SMPDL3B: variants seen among roughly 807,000 people sequenced by gnomAD.
SMPDL3B encodes sphingomyelin phosphodiesterase acid like 3B, also known as acid sphingomyelinase-like phosphodiesterase 3b.
In SMPDL3B, 31 loss-of-function variants were observed where a neutral mutation model predicts 37.9. The ratio of observed to expected loss-of-function variants is 0.82; its 90% CI spans 0.61 to 1.10. The LOEUF is 1.10. Ranked by LOEUF, SMPDL3B falls within the 50% of genes least tolerant of loss-of-function variation. The pLI is 0.00. For missense variants in SMPDL3B, 525 were observed against 597.8 expected, an observed-to-expected ratio of 0.88 and a Z score of 1.27; for synonymous variants, 235 against 242.6, an observed-to-expected ratio of 0.97 and a Z score of 0.29.
intron 1 of SMPDL3B, among the ~76,000 whole-genome samples, chr1:27,939,337 T>A (rs2090335975): frequency 6.6e-6 from 1 of 152,138 alleles, no homozygotes; most frequent in Non-Finnish European, 1.5e-5. Context: ...TCATGTATGA[T>A]TTTAATTTTT....
chr1:27,956,362 A>AATGGGC, intron 7 of SMPDL3B: 1 of 1,330,896 alleles, frequency 7.5e-7, no homozygotes, highest in Non-Finnish European at 1.0e-6. Context: ...CATCCGCTAC[A>AATGGGC]CAAGAGAGAA....
At chr1:27,946,946 G>C (rs1344999692) in intron 2 of SMPDL3B, among the ~76,000 whole-genome samples, 1 of 152,160 alleles carries the variant, frequency 6.6e-6, no homozygotes, top group East Asian at 1.9e-4. Flanking sequence ...TCCCTTGAGG[G>C]GAGCTTCTGA....
intron 1 of SMPDL3B, chr1:27,938,729 T>C (rs185297702): frequency 6.6e-6 from 1 of 152,370 alleles, no homozygotes; most frequent in East Asian, 1.9e-4. Flanking sequence ...TGTGTTTCAC[T>C]TTCAATTCAG....
chr1:27,956,538 C>T (rs1215968947), intron 7 of SMPDL3B: 6 of 1,053,334 alleles, frequency 5.7e-6, no homozygotes, highest in Middle Eastern at 4.5e-4. Flanking sequence ...CGTACACAGA[C>T]GAGGCTCCAG....
At chr1:27,955,890 A>G (rs1638244893) in intron 6 of SMPDL3B, 26 bp downstream of exon 6, 1 of 1,611,340 alleles carries the variant, frequency 6.2e-7, no homozygotes, top group Non-Finnish European at 8.5e-7. Flanking sequence ...GGCAACTGCC[A>G]GCTCCCTCCC....
intron 5 of SMPDL3B, 91 bp downstream of exon 5, chr1:27,954,617 T>C (rs907032641): frequency 1.6e-6 from 2 of 1,252,676 alleles, no homozygotes; most frequent in African/African-American, 2.9e-5. Context: ...CACCCAAAGA[T>C]GCCCATATCC....
chr1:27,938,699 G>A (rs542430558), intron 1 of SMPDL3B, among the ~76,000 whole-genome samples: 5 of 152,274 alleles, frequency 3.3e-5, no homozygotes, highest in South Asian at 4.1e-4. Context: ...ACCACACTTC[G>A]AGAAGCCATA....
At position 27,949,078 on chromosome 1, in the gene SMPDL3B, C is replaced by T. The variant is rs764171655; in HGVS notation, c.289C>T (p.His97Tyr). The change falls in exon 3 of 8, where the codon CAT becomes TAT. Residue 97 changes from histidine to tyrosine, a missense_variant. His to Tyr is a moderately conservative substitution (Grantham distance 83). Coordinates refer to ENST00000373894, the MANE Select transcript of SMPDL3B (RefSeq NM_014474.4). ...FILWTGDDTP[H>Y]VPDEKLGEAA... ...GGTGTTTTGTAGTGATGACACGCCTCATGTGCCCGATGAGAAACTGGGAGA... is the reference window on the plus strand; with the variant it reads ...GGTGTTTTGTAGTGATGACACGCCTTATGTGCCCGATGAGAAACTGGGAGA... 2 of 1,614,094 alleles carry T rather than the reference C, an allele frequency of 1.2e-6. No individual in the cohort carries two copies. The highest frequency in any genetic ancestry group is 1.7e-6 in the Non-Finnish European group (2 of 1,180,044).
At chr1:27,953,753 G>A (rs142212023) in intron 4 of SMPDL3B, among the ~76,000 whole-genome samples, 1 of 152,344 alleles carries the variant, frequency 6.6e-6, no homozygotes, top group African/African-American at 2.4e-5. Flanking sequence ...GTGTGTTGCA[G>A]AATGTTGCAA....
Position 27,958,937 on chromosome 1 carries a change from T to C in SMPDL3B, c.*99T>C, listed in dbSNP as rs1243135377. ...CACCATTTCCTCCGCGCCTGAGGAG[T>C]GAACTGAAATAGGACAACCGAATCA... On this transcript the variant is annotated 3_prime_UTR_variant, in exon 8 of 8. Coordinates refer to ENST00000373894, the MANE Select transcript of SMPDL3B (RefSeq NM_014474.4). The surrounding 1 kb of genome is among the most constrained non-coding windows in gnomAD (Gnocchi z 5.6). The C allele has an allele frequency of 7.5e-7, 1 of 1,335,544 alleles. No individual in the cohort carries two copies. The highest frequency in any genetic ancestry group is 9.9e-7 in the Non-Finnish European group (1 of 1,005,076). The allele number at this position is 1,335,544 out of a possible 1,614,324, so 82.7% of individuals were successfully genotyped here.
chr1:27,956,394 C>T, intron 7 of SMPDL3B: 3 of 1,275,570 alleles, frequency 2.4e-6, no homozygotes, highest in Non-Finnish European at 3.1e-6. Flanking sequence ...CCTATAGCAC[C>T]ACTTTCATCT....
Position 27,954,530 on chromosome 1 carries a change from A to G in SMPDL3B, c.690+4A>G. 6.2e-7 allele frequency: 1 copy of G among 1,613,304 alleles called. No homozygotes were observed. The highest frequency in any genetic ancestry group is 1.7e-5 in the Admixed American group (1 of 59,970). ...TGCATCCAAAGCTGGGGACATGGTA[A>G]GAGGCCCTGCTTCTTTCTTTTCTCA... On this transcript the variant is annotated splice_donor_region_variant and intron_variant, in intron 5 of 7. Transcript: ENST00000373894.
At chr1:27,940,571 G>A (rs539869451) in intron 1 of SMPDL3B, among the ~76,000 whole-genome samples, 5 of 152,238 alleles carry the variant, frequency 3.3e-5, no homozygotes, top group East Asian at 3.9e-4. Flanking sequence ...CAGCTATGGG[G>A]TGGTGCAGTA....
intron 3 of SMPDL3B, among the ~76,000 whole-genome samples, chr1:27,949,395 G>A (rs1009333349): frequency 6.6e-6 from 1 of 152,200 alleles, no homozygotes; most frequent in African/African-American, 2.4e-5. Context: ...GAAATGCCCA[G>A]CCTTTCACTG....
intron 1 of SMPDL3B, among the ~76,000 whole-genome samples, chr1:27,939,600 C>CT (rs2090340196): frequency 6.6e-6 from 1 of 152,114 alleles, no homozygotes; most frequent in Non-Finnish European, 1.5e-5. Context: ...AGGCAGATCA[C>CT]TTGAGCTCAG....
At position 27,955,961 on chromosome 1, in the gene SMPDL3B, G is replaced by A. The variant is rs1001026723; in HGVS notation, c.884G>A (p.Ser295Asn). The change falls in exon 7 of 8, where the codon AGC (serine) becomes AAC (asparagine). Residue 295 changes from serine (S) to asparagine (N), a missense_variant. Transcript: ENST00000373894. ...TCTCTCCTGACAGGTGTCCCCATAA[G>A]CGCCATGTTCATCACACCTGGAGTC... ...MLYDDAGVPI[S>N]AMFITPGVTP... is the part of the protein sequence containing the mutation. 7 of 1,613,818 alleles carry A rather than the reference G, an allele frequency of 4.3e-6. No individual in the cohort carries two copies. The highest frequency in any genetic ancestry group is 1.3e-5 in the African/African-American group (1 of 74,838).
chr1:27,943,668 G>C (rs1278534827), intron 1 of SMPDL3B, among the ~76,000 whole-genome samples: 1 of 152,144 alleles, frequency 6.6e-6, no homozygotes, highest in Non-Finnish European at 1.5e-5. Context: ...ACAGAGGCCA[G>C]ATCTGCTCAA....
Position 27,956,026 on chromosome 1 carries a change from G to T in SMPDL3B, c.949G>T (p.Ala317Ser). Reference protein sequence around the residue: ...KTTLPGVVNGANNPAIRVFEY... With the variant: ...KTTLPGVVNGSNNPAIRVFEY... The stretch of plus-strand genomic sequence containing the variant: ...CACATTACCTGGAGTGGTCAATGGG[G>T]CCAACAATCCAGCCATCCGGGTGTT... The change falls in exon 7 of 8, where the codon GCC becomes TCC. Residue 317 changes from alanine (A) to serine (S), a missense_variant. By Grantham distance (99) the Ala-to-Ser change is moderately conservative. Transcript: ENST00000373894. 1 of 1,614,114 alleles carries T rather than the reference G, an allele frequency of 6.2e-7. No homozygotes were observed. Among genetic ancestry groups the T allele is most frequent in the South Asian group, 1.1e-5 (1 of 91,062 alleles).
chr1:27,953,436 A>T, intron 4 of SMPDL3B, 78 bp downstream of exon 4: 2 of 1,264,610 alleles, frequency 1.6e-6, no homozygotes, highest in Non-Finnish European at 2.2e-6. Flanking sequence ...ACAACCTCTT[A>T]GAATAAGTAC....
Sources: allele counts gnomAD v4.1 joint callset (sites outside exome capture counted in the v4.1 genomes callset), GRCh38; gene constraint gnomAD v4.1.1; non-coding constraint Gnocchi (gnomAD v3.1); transcripts MANE v1.5; gene names NCBI Gene and HGNC (gene_info 2026-07-23, HGNC 2026-07-21).